HEG1: variants seen among roughly 807,000 people sequenced by gnomAD.
HEG1 encodes protein HEG homolog 1.
In HEG1, 56 loss-of-function variants were observed where a neutral mutation model predicts 125.6. The observed-to-expected ratio is 0.45, with a 90% confidence interval of 0.36 to 0.56. The LOEUF (loss-of-function observed/expected upper bound fraction) is 0.56. HEG1 is among the 20% of genes least tolerant of loss of function. HEG1 has a pLI of 0.00. For synonymous variants in HEG1, 644 were observed against 668.5 expected, an observed-to-expected ratio of 0.96 and a Z score of 0.57; for missense variants, 1,523 against 1,670.0, an observed-to-expected ratio of 0.91 and a Z score of 1.53.
intron 1 of HEG1, among the ~76,000 whole-genome samples, chr3:125,044,895 T>A (rs1937638310): frequency 6.6e-6 from 1 of 152,152 alleles, no homozygotes. Flanking sequence ...GACATCTTGA[T>A]GTCCTATGTA....
intron 11 of HEG1, 102 bp from the exon 12 acceptor site, chr3:124,997,925 T>C (rs1936947238): frequency 2.3e-6 from 3 of 1,290,092 alleles, no homozygotes; most frequent in South Asian, 3.9e-5. Context: ...ATGAACTCTC[T>C]ATTTCAAGAG....
At chr3:124,975,743 G>T (rs1198505857) in intron 15 of HEG1, among the ~76,000 whole-genome samples, 5 of 152,094 alleles carry the variant, frequency 3.3e-5, no homozygotes, top group South Asian at 2.1e-4. Flanking sequence ...TATTAGATTT[G>T]CCTATTTCAG....
At chr3:124,975,257 G>A (rs1936513317) in intron 15 of HEG1, among the ~76,000 whole-genome samples, 1 of 152,146 alleles carries the variant, frequency 6.6e-6, no homozygotes, top group South Asian at 2.1e-4. Context: ...CGGTAGAAAA[G>A]ATAACTAGCT....
At chr3:124,984,215 G>T (rs77564209) in intron 14 of HEG1, among the ~76,000 whole-genome samples, 4,025 of 152,242 alleles carry the variant, frequency 0.026, 173 homozygotes, top group African/African-American at 0.09. Flanking sequence ...TATTTAAGCG[G>T]AATGTCTGGC....
intron 15 of HEG1, among the ~76,000 whole-genome samples, chr3:124,977,231 C>T (rs1178561626): frequency 6.6e-6 from 1 of 152,180 alleles, no homozygotes; most frequent in Non-Finnish European, 1.5e-5. Flanking sequence ...ACTGTAAGTC[C>T]ATTAAACCTC....
In HEG1 at chr3:124,968,092, T is replaced by A. The variant is rs1936350677; in HGVS notation, c.*2560A>T. On this transcript the variant is annotated 3_prime_UTR_variant, in exon 17 of 17. Coordinates refer to ENST00000311127, the MANE Select transcript of HEG1 (RefSeq NM_020733.2). ...GGGATATTGGTGCAGGATTGTGGCA[T>A]CTGTGCACGTGAATCACACACCCCA... 1 of 152,566 alleles carries A rather than the reference T, an allele frequency of 6.6e-6. No homozygotes were observed. The highest frequency in any genetic ancestry group is 6.5e-5 in the Admixed American group (1 of 15,312). 9.5% of individuals were successfully genotyped at this position (152,566 alleles called of 1,614,324 possible).
Position 124,968,262 on chromosome 3 carries a change from G to T in HEG1, c.*2390C>A, listed in dbSNP as rs1936354441. Reference sequence around the variant, plus strand: ...GCTAGGAACCCCGTGCAGGAGTGCAGCTGGCCTCTCCCTTCCTCACTGGGT... The same window carrying T: ...GCTAGGAACCCCGTGCAGGAGTGCATCTGGCCTCTCCCTTCCTCACTGGGT... On this transcript the variant is annotated 3_prime_UTR_variant, in exon 17 of 17. Coordinates refer to ENST00000311127, the MANE Select transcript of HEG1 (RefSeq NM_020733.2). The T allele has an allele frequency of 6.6e-6, 1 of 152,368 alleles. No homozygotes were observed. The highest frequency in any genetic ancestry group is 2.4e-5 in the African/African-American group (1 of 41,448). 9.4% of individuals were successfully genotyped at this position (152,368 alleles called of 1,614,324 possible).
At chr3:125,042,496 G>C (rs931025989) in intron 1 of HEG1, among the ~76,000 whole-genome samples, 1 of 152,208 alleles carries the variant, frequency 6.6e-6, no homozygotes, top group African/African-American at 2.4e-5. Context: ...CACTGTGAGG[G>C]TTACACGGAT....
At chr3:125,055,540 A>T in intron 1 of HEG1, 35 bp downstream of exon 1, 1 of 1,179,950 alleles carries the variant, frequency 8.5e-7, no homozygotes, top group Non-Finnish European at 1.1e-6. Context: ...CCCAGCACAG[A>T]CTGGCCAGGC....
rs143385231 is a variant in HEG1 at position 125,021,500 on chromosome 3, C to T, written c.914-370G>A. ...ATAAGGTTTTTGTTATTTTGTTCTG[C>T]TTTGTTTTAGCAATGTAACCTTTTT... On this transcript the variant is annotated intron_variant, in intron 3 of 16. Transcript: ENST00000311127. Among the ~76,000 whole-genome samples the T allele has an allele frequency of 2.6e-5, 4 of 152,332 alleles. No homozygotes were observed. The East Asian group carries it at 7.7e-4, about 29-fold the overall frequency.
At position 125,013,762 on chromosome 3, in the gene HEG1, G is replaced by T; in HGVS notation, c.1817C>A (p.Thr606Asn). 2 of 1,613,868 alleles carry T rather than the reference G, an allele frequency of 1.2e-6. No homozygotes were observed. The highest frequency in any genetic ancestry group is 1.1e-5 in the South Asian group (1 of 91,078). Residue 606 changes from threonine (T) to asparagine (N), a missense_variant, in exon 6 of 17, where the codon ACT becomes AAT. Coordinates refer to ENST00000311127, the MANE Select transcript of HEG1 (RefSeq NM_020733.2). ...ATAGGATGAGATGTTACTTCTCTCA[G>T]TCTGAGCATGAAAAAAGGAGGAATA... is the stretch of plus-strand genomic sequence containing the variant. ...SEYSSFFHAQ[T>N]ERSNISSYDG...
At position 125,028,153 on chromosome 3, in the gene HEG1, C is replaced by A. The variant is rs998850083; in HGVS notation, c.611-646G>T. On this transcript the variant is annotated intron_variant, in intron 2 of 16. Transcript: ENST00000311127. ...CCTGGTGTCTGAATTTCTCTGTCTG[C>A]CTGGGTGGTCCCTTTGACTCCAGGT... 3.3e-5 allele frequency among the ~76,000 whole-genome samples: 5 copies of A among 152,192 alleles called. 1 individual carries two copies. The South Asian group carries it at 6.2e-4, about 19-fold the overall frequency.
intron 1 of HEG1, among the ~76,000 whole-genome samples, chr3:125,042,678 C>T (rs972828047): frequency 6.6e-6 from 1 of 152,196 alleles, no homozygotes; most frequent in South Asian, 2.1e-4. Context: ...CTCCCTTCCA[C>T]GGCTGCCAGT....
At chr3:125,038,410 G>A (rs1026008176) in intron 1 of HEG1, among the ~76,000 whole-genome samples, 5 of 152,096 alleles carry the variant, frequency 3.3e-5, no homozygotes, top group South Asian at 2.1e-4. Flanking sequence ...ATTGAACTCC[G>A]GGTACCCCTC....
At chr3:125,044,374 C>T (rs1937630872) in intron 1 of HEG1, among the ~76,000 whole-genome samples, 1 of 151,910 alleles carries the variant, frequency 6.6e-6, no homozygotes, top group Non-Finnish European at 1.5e-5. Flanking sequence ...AGAAATAAGA[C>T]AAAAAGAAAT....
chr3:124,969,771 G>A lies in HEG1; in HGVS notation c.*881C>T, dbSNP rs1936392944. 1 of 136,930 alleles carries A rather than the reference G, an allele frequency of 7.3e-6. No individual in the cohort carries two copies. Among genetic ancestry groups the A allele is most frequent in the African/African-American group, 2.9e-5 (1 of 34,240 alleles). The allele number at this position is 136,930 out of a possible 1,614,324, so 8.5% of individuals were successfully genotyped here. On this transcript the variant is annotated 3_prime_UTR_variant, in exon 17 of 17. Transcript: ENST00000311127. The stretch of plus-strand genomic sequence containing the variant: ...TGACATTTCTCCTCCATACGCAGCT[G>A]CCTCTGGCCTCCACAATGGTGATCG...
At chr3:125,007,116 G>A (rs965516689) in intron 8 of HEG1, among the ~76,000 whole-genome samples, 28 of 148,548 alleles carry the variant, frequency 1.9e-4, no homozygotes, top group African/African-American at 6.9e-4. Context: ...GGAGAATGGC[G>A]TGAACCCGGG....
intron 1 of HEG1, among the ~76,000 whole-genome samples, chr3:125,040,342 A>C (rs4594660): frequency 6.6e-6 from 1 of 152,180 alleles, no homozygotes; most frequent in Admixed American, 6.5e-5. Flanking sequence ...TGACAAGGGA[A>C]GGATAGGACA....
At chr3:124,989,578 A>C (rs1053942287) in intron 14 of HEG1, among the ~76,000 whole-genome samples, 1 of 152,202 alleles carries the variant, frequency 6.6e-6, no homozygotes, top group Non-Finnish European at 1.5e-5. Context: ...AGCAATCTTA[A>C]ATGAATCACA....
Sources: allele counts gnomAD v4.1 joint callset (sites outside exome capture counted in the v4.1 genomes callset), GRCh38; gene constraint gnomAD v4.1.1; transcripts MANE v1.5; gene names NCBI Gene and HGNC (gene_info 2026-07-23, HGNC 2026-07-21).